GLIS3: variants seen among roughly 807,000 people sequenced by gnomAD.
GLIS3 encodes zinc finger protein GLIS3.
A neutral mutation model predicts 78.6 loss-of-function variants in GLIS3; 53 were observed. The ratio of observed to expected loss-of-function variants is 0.67; its 90% CI spans 0.54 to 0.85. GLIS3 has a LOEUF of 0.85. Ranked by LOEUF, GLIS3 falls within the 40% of genes least tolerant of loss-of-function variation. GLIS3 has a pLI of 0.00. For missense variants in GLIS3, 1,703 were observed against 1,231.1 expected, an observed-to-expected ratio of 1.38 and a Z score of -5.74; for synonymous variants, 684 against 509.9, an observed-to-expected ratio of 1.34 and a Z score of -4.60.
At chr9:4,206,748 T>G (rs1212224442) in intron 2 of GLIS3, among the ~76,000 whole-genome samples, 1 of 152,228 alleles carries the variant, frequency 6.6e-6, no homozygotes, top group Non-Finnish European at 1.5e-5. Context: ...AATGAAAATC[T>G]TTGATAGATC....
chr9:4,404,842 G>C, the GLIS3 span, among the ~76,000 whole-genome samples: 1 of 151,940 alleles, frequency 6.6e-6, no homozygotes, highest in Admixed American at 6.6e-5. Context: ...CCCAAAATTA[G>C]TAGAAGAAAA....
In GLIS3 at chr9:4,118,136, G is replaced by A; in HGVS notation, c.1342C>T (p.Pro448Ser). 6.4e-7 allele frequency: 1 copy of A among 1,550,824 alleles called. No individual in the cohort carries two copies. The change falls in exon 4 of 11, where the codon CCG (proline) becomes TCG (serine). Residue 448 changes from proline to serine, a missense_variant. Pro to Ser is a moderately conservative substitution (Grantham distance 74). Coordinates refer to ENST00000381971, the MANE Select transcript of GLIS3 (RefSeq NM_001042413.2). This position sits in a 1 kb window ranked among gnomAD's most constrained non-coding sequence, Gnocchi z 4.7. ...GSTVDLPPAP[P>S]LPPLPPPPGP... ...GGGGGCGGCGGCAGAGGAGGGAGCG[G>A]AGGCGCGGGGGGTAGGTCTACGGTG...
upstream of GLIS3, among the ~76,000 whole-genome samples, chr9:4,350,518 A>G (rs575973992): frequency 2.0e-5 from 3 of 152,282 alleles, no homozygotes; most frequent in East Asian, 1.9e-4. Flanking sequence ...CTGCCGTACT[A>G]TATCTCTCTG....
rs1588052188 is a variant in GLIS3 at position 3,835,092 on chromosome 9, G to T, written c.2474-5600C>A. Among the ~76,000 whole-genome samples, 3 of 152,292 alleles carry T rather than the reference G, an allele frequency of 2.0e-5. No homozygotes were observed. In the East Asian group the frequency reaches 5.8e-4, roughly 29 times the overall value. On this transcript the variant is annotated intron_variant, in intron 9 of 10. Coordinates refer to ENST00000381971, the MANE Select transcript of GLIS3 (RefSeq NM_001042413.2). ...CCATCAGCCTACACTTCGTCAAAGGGATAAGTCATGATCTGTGTACTTAGT... is the reference window on the plus strand; with the variant it reads ...CCATCAGCCTACACTTCGTCAAAGGTATAAGTCATGATCTGTGTACTTAGT...
At chr9:4,470,514 T>A in the GLIS3 span, among the ~76,000 whole-genome samples, 1 of 152,222 alleles carries the variant, frequency 6.6e-6, no homozygotes, top group African/African-American at 2.4e-5. Context: ...CACATGATTA[T>A]CTCAATAGAT....
intron 2 of GLIS3, among the ~76,000 whole-genome samples, chr9:4,188,580 C>T (rs1355989109): frequency 1.3e-5 from 2 of 152,124 alleles, no homozygotes; most frequent in African/African-American, 4.8e-5. Context: ...GGTACCACTT[C>T]CTCCTTGTAC....
chr9:4,388,765 T>A, the GLIS3 span, among the ~76,000 whole-genome samples: 1 of 152,152 alleles, frequency 6.6e-6, no homozygotes, highest in Non-Finnish European at 1.5e-5. Flanking sequence ...AACATATATG[T>A]AATTGAAGTC....
chr9:4,425,188 C>T, the GLIS3 span, among the ~76,000 whole-genome samples: 1 of 152,182 alleles, frequency 6.6e-6, no homozygotes, highest in Non-Finnish European at 1.5e-5. Flanking sequence ...AACTCCAGAT[C>T]TGATTTACAT....
chr9:4,435,866 A>G, the GLIS3 span, among the ~76,000 whole-genome samples: 37 of 152,240 alleles, frequency 2.4e-4, no homozygotes, highest in East Asian at 3.9e-4. Context: ...GGAGAATGGC[A>G]TAAACTCGGG....
chr9:4,364,947 C>T, the GLIS3 span, among the ~76,000 whole-genome samples: 1 of 151,706 alleles, frequency 6.6e-6, no homozygotes, highest in Non-Finnish European at 1.5e-5. Context: ...CTGCACCTGG[C>T]ATTTGTTGCT....
intron 2 of GLIS3, among the ~76,000 whole-genome samples, chr9:4,333,482 A>G (rs992016861): frequency 6.6e-6 from 1 of 152,192 alleles, no homozygotes; most frequent in Non-Finnish European, 1.5e-5. Flanking sequence ...AGAAGGAGAG[A>G]TTTCTAGTCT....
chr9:4,142,358 AAC>A (rs1225781047), intron 2 of GLIS3, among the ~76,000 whole-genome samples: 4 of 152,222 alleles, frequency 2.6e-5, no homozygotes, highest in African/African-American at 9.6e-5. Flanking sequence ...ACACATAATA[AAC>A]AACATAAGAT....
At chr9:4,385,797 GAAAGAAAGA>G in the GLIS3 span, among the ~76,000 whole-genome samples, 1 of 73,318 alleles carries the variant, frequency 1.4e-5, no homozygotes. Context: ...AAGAAAGAAA[GAAAGAAAGA>G]AAGAAAAGAA....
the GLIS3 span, among the ~76,000 whole-genome samples, chr9:4,486,070 T>C: frequency 6.6e-6 from 1 of 152,236 alleles, no homozygotes; most frequent in Admixed American, 6.5e-5. Flanking sequence ...AAAATGTTTG[T>C]ATATATTGAA....
intron 2 of GLIS3, among the ~76,000 whole-genome samples, chr9:4,158,616 C>T (rs1005638015): frequency 6.6e-6 from 1 of 152,128 alleles, no homozygotes. Flanking sequence ...GTTTTCACTA[C>T]TAAATGTATT....
At chr9:4,210,115 G>C (rs1215907675) in intron 2 of GLIS3, among the ~76,000 whole-genome samples, 1 of 152,188 alleles carries the variant, frequency 6.6e-6, no homozygotes, top group Non-Finnish European at 1.5e-5. Context: ...CTGAATAAAA[G>C]ATGCTTTCTT....
rs1255718896 is a variant in GLIS3, at chr9:3,898,701, G to C, written c.2118C>G (p.Asp706Glu). 2 of 1,614,086 alleles carry C rather than the reference G, an allele frequency of 1.2e-6. No individual in the cohort carries two copies. The highest frequency in any genetic ancestry group is 2.7e-5 in the African/African-American group (2 of 75,018). Reference sequence around the variant, plus strand: ...CTTTGCTGTCTTTACCTGAATAGAGGTCAGGCCCGGGTCCAGGGGAGCGTC... The same window carrying C: ...CTTTGCTGTCTTTACCTGAATAGAGCTCAGGCCCGGGTCCAGGGGAGCGTC... ...TVGRSPGPGP[D>E]LYSAPIFSSN... Residue 706 changes from aspartate to glutamate, a missense_variant, in exon 7 of 11, where the codon GAC becomes GAG. Asp to Glu is a conservative substitution (Grantham distance 45, BLOSUM62 2). Coordinates refer to ENST00000381971, the MANE Select transcript of GLIS3 (RefSeq NM_001042413.2).
the GLIS3 span, among the ~76,000 whole-genome samples, chr9:4,473,280 T>A: frequency 1.3e-5 from 2 of 151,894 alleles, no homozygotes; most frequent in Non-Finnish European, 2.9e-5. Flanking sequence ...ACCTTGTCTC[T>A]ACTAAAAATA....
chr9:4,289,648 A>C (rs1828283935), intron 1 of GLIS3, among the ~76,000 whole-genome samples: 1 of 152,120 alleles, frequency 6.6e-6, no homozygotes. Flanking sequence ...ACTCTACCCC[A>C]GGCTACCAGT....
Sources: gnomAD v4.1 joint callset for allele counts (sites outside exome capture counted in the v4.1 genomes callset) on GRCh38, gnomAD v4.1.1 for gene constraint, Gnocchi (gnomAD v3.1) non-coding constraint, MANE v1.5 for transcripts, NCBI Gene and HGNC (gene_info 2026-07-23, HGNC 2026-07-21) for gene names.